The following DNAAF9 variants were observed in gnomAD, a reference collection of about 807,000 sequenced individuals.
DNAAF9 encodes dynein axonemal assembly factor 9, also known as shulin.
DNAAF9 carries 90 observed loss-of-function variants against 167.0 expected under a neutral mutation model. The ratio of observed to expected loss-of-function variants is 0.54; its 90% CI spans 0.45 to 0.64. The LOEUF is 0.64. Ranked by LOEUF, DNAAF9 falls within the 30% of genes least tolerant of loss-of-function variation. DNAAF9 has a pLI of 0.00. For missense variants in DNAAF9, 1,315 were observed against 1,442.2 expected, an observed-to-expected ratio of 0.91 and a Z score of 1.43; for synonymous variants, 491 against 508.8, an observed-to-expected ratio of 0.96 and a Z score of 0.47.
rs372804380 is a variant in DNAAF9, at chr20:3,310,344, AG to A, written c.1678+4688del. Among the ~76,000 whole-genome samples, 786 of 103,178 alleles carry A rather than the reference AG, an allele frequency of 7.6e-3. 10 individuals carry two copies. Among genetic ancestry groups the A allele is most frequent in the African/African-American group, 0.027 (678 of 25,478 alleles). 67.7% of individuals were successfully genotyped at this position (103,178 alleles called of 152,430 possible). A position where few individuals can be genotyped will look rare whatever the true frequency, so the allele number is the denominator to read the frequency against. ...AGGAAAGAGAAAGAAAAAGAAAGAAAGAAAGAAAGAAAGAAAGAAAGAAAGA... is the reference window on the plus strand; with the variant it reads ...AGGAAAGAGAAAGAAAAAGAAAGAAAAAAGAAAGAAAGAAAGAAAGAAAGA... On this transcript the variant is annotated intron_variant, in intron 20 of 36. Transcript: ENST00000252032.
chr20:3,369,812 T>C (rs985357650), intron 6 of DNAAF9, among the ~76,000 whole-genome samples: 5 of 152,252 alleles, frequency 3.3e-5, no homozygotes, highest in African/African-American at 9.6e-5. Context: ...TCAATTATGA[T>C]TTCCTAGAGC....
rs200794835 is a variant in DNAAF9 at position 3,256,057 on chromosome 20, G to T, written c.3210C>A (p.Cys1070Ter). 6.2e-7 allele frequency: 1 copy of T among 1,613,620 alleles called. No homozygotes were observed. The highest frequency in any genetic ancestry group is 1.3e-5 in the African/African-American group (1 of 74,926). The change falls in exon 34 of 37, where the codon TGC becomes TGA. Residue 1070 changes from cysteine to a stop codon, truncating the protein, a stop_gained. Transcript: ENST00000252032. LOFTEE classifies it high-confidence loss of function. ...CCTTGATGCTGTCTTCCTTCAGGGA[G>T]CAGCCGATGAACACAAGGTAGCACT... ...QQECYLVFIG[C>*]SLKEDSIKDW...
intron 34 of DNAAF9, among the ~76,000 whole-genome samples, 160 bp downstream of exon 34, chr20:3,255,846 T>C (rs976189174): frequency 6.6e-6 from 1 of 152,184 alleles, no homozygotes; most frequent in Non-Finnish European, 1.5e-5. Flanking sequence ...AGTGGCTTCC[T>C]CCCTCTCTCA....
At chr20:3,330,068 T>C (rs1319926712) in intron 12 of DNAAF9, among the ~76,000 whole-genome samples, 1 of 152,216 alleles carries the variant, frequency 6.6e-6, no homozygotes, top group East Asian at 1.9e-4. Context: ...AAATGCATTA[T>C]ATAGAAAACA....
chr20:3,288,031 A>G (rs1343621924), intron 26 of DNAAF9, among the ~76,000 whole-genome samples: 4 of 152,224 alleles, frequency 2.6e-5, no homozygotes, highest in Non-Finnish European at 2.9e-5. Flanking sequence ...CCATAGGGAA[A>G]ATGGTCAGGT....
At chr20:3,270,364 G>A in intron 30 of DNAAF9, 63 bp downstream of exon 30, 1 of 1,468,532 alleles carries the variant, frequency 6.8e-7, no homozygotes, top group Non-Finnish European at 9.5e-7. Flanking sequence ...GACTCTGTGG[G>A]CCACAGACAG....
rs757266254 is a variant in DNAAF9 at position 3,381,500 on chromosome 20, T to A, written c.164-2A>T. 1 of 1,613,366 alleles carries A rather than the reference T, an allele frequency of 6.2e-7. No individual in the cohort carries two copies. ...CTTCATTGTACCTGCTATCGATTCC[T>A]GCAAGGCAAAGGAGGCTCTGATCAG... On this transcript the variant is annotated splice_acceptor_variant, in intron 2 of 36. Transcript: ENST00000252032. LOFTEE classifies it high-confidence loss of function.
chr20:3,400,535 C>A (rs1295425512), intron 1 of DNAAF9, among the ~76,000 whole-genome samples: 2 of 150,786 alleles, frequency 1.3e-5, no homozygotes, highest in Admixed American at 6.6e-5. Flanking sequence ...AAGTTAAAAA[C>A]AAAAAGAATG....
At chr20:3,283,375 C>T (rs2068794425) in intron 27 of DNAAF9, among the ~76,000 whole-genome samples, 1 of 152,228 alleles carries the variant, frequency 6.6e-6, no homozygotes, top group South Asian at 2.1e-4. Flanking sequence ...CACCCCACCC[C>T]AGGTTCTCCT....
intron 1 of DNAAF9, among the ~76,000 whole-genome samples, chr20:3,384,764 T>C (rs1026980807): frequency 3.3e-5 from 5 of 151,964 alleles, no homozygotes; most frequent in Non-Finnish European, 5.9e-5. Context: ...TAGGACCAAG[T>C]GGAATTTATC....
chr20:3,328,986 C>T (rs1390633192), intron 12 of DNAAF9, among the ~76,000 whole-genome samples: 3 of 151,708 alleles, frequency 2.0e-5, no homozygotes, highest in African/African-American at 7.3e-5. Flanking sequence ...TCTCCTGCTT[C>T]AGCCTCCTGA....
rs114931964 is a variant in DNAAF9, at chr20:3,395,519, A to C, written c.83+11956T>G. On this transcript the variant is annotated intron_variant, in intron 1 of 36. Coordinates refer to ENST00000252032, the MANE Select transcript of DNAAF9 (RefSeq NM_001009984.3). ...TGCTTTTGAACTCCTGGCCTCAAGC[A>C]ATCCACCGCCTTGGCCTCCTAAAGT... is the stretch of plus-strand genomic sequence containing the variant. 9.0e-3 allele frequency among the ~76,000 whole-genome samples: 1,374 copies of C among 152,088 alleles called. 20 individuals are homozygous for C. The highest frequency in any genetic ancestry group is 0.032 in the African/African-American group (1,319 of 41,512).
At chr20:3,381,799 A>T (rs933559121) in intron 2 of DNAAF9, among the ~76,000 whole-genome samples, 3 of 152,240 alleles carry the variant, frequency 2.0e-5, no homozygotes, top group African/African-American at 7.2e-5. Flanking sequence ...AATAGGGGTC[A>T]GAAAAATCTT....
chr20:3,299,129 G>A (rs1383306730), intron 21 of DNAAF9, among the ~76,000 whole-genome samples: 1 of 151,730 alleles, frequency 6.6e-6, no homozygotes, highest in Non-Finnish European at 1.5e-5. Context: ...GGCTGGTCTC[G>A]AACTCCCGAC....
intron 30 of DNAAF9, among the ~76,000 whole-genome samples, chr20:3,266,534 G>A (rs189517051): frequency 3.6e-4 from 55 of 152,088 alleles, no homozygotes; most frequent in African/African-American, 1.3e-3. Flanking sequence ...CTGGAGTGCA[G>A]TGGCGCGGTC....
At position 3,293,541 on chromosome 20, in the gene DNAAF9, C is replaced by G. The variant is rs181500160; in HGVS notation, c.2238+598G>C. Among the ~76,000 whole-genome samples the G allele has an allele frequency of 1.6e-3, 246 of 151,198 alleles. 2 individuals are homozygous for G. The highest frequency in any genetic ancestry group is 5.7e-3 in the African/African-American group (236 of 41,138). On this transcript the variant is annotated intron_variant, in intron 25 of 36. Transcript: ENST00000252032. Reference sequence around the variant, plus strand: ...CTCTACTAAAAATACAAAAATTAGCCAGGCGTGGTGGTGCATGCCTGTAAT... The same window carrying G: ...CTCTACTAAAAATACAAAAATTAGCGAGGCGTGGTGGTGCATGCCTGTAAT...
Position 3,304,120 on chromosome 20 carries a change from G to A in DNAAF9, c.1782+320C>T, listed in dbSNP as rs544691770. 3.2e-4 allele frequency among the ~76,000 whole-genome samples: 48 copies of A among 152,296 alleles called. No homozygotes were observed. The East Asian group carries it at 8.1e-3, about 26-fold the overall frequency. On this transcript the variant is annotated intron_variant, in intron 21 of 36. Coordinates refer to ENST00000252032, the MANE Select transcript of DNAAF9 (RefSeq NM_001009984.3). ...CTGGACCTGGAGGCCACCCAAGAGG[G>A]GCCACTGGAGGCCTTCTCAGCCTGC...
At chr20:3,396,831 T>A (rs1600926607) in intron 1 of DNAAF9, among the ~76,000 whole-genome samples, 1 of 152,328 alleles carries the variant, frequency 6.6e-6, no homozygotes, top group East Asian at 1.9e-4. Context: ...TTTCAGCTTT[T>A]ACTTGTAGTG....
Position 3,252,659 on chromosome 20 carries a change from G to A in DNAAF9, c.3447C>T (p.Tyr1149=), listed in dbSNP as rs61744985. The A allele has an allele frequency of 1.6e-3, 2,520 of 1,607,968 alleles. 34 individuals carry two copies. In the African/African-American group the frequency reaches 0.03, roughly 19 times the overall value. ...CAATTTCCCGGTTGGCTTCTTCCACGTAGTCATTCATGAACTGGTCCATGA... is the reference window on the plus strand; with the variant it reads ...CAATTTCCCGGTTGGCTTCTTCCACATAGTCATTCATGAACTGGTCCATGA... ...HPLMDQFMND[Y]VEEANREIEK... The change falls in exon 37 of 37, where the codon TAC becomes TAT. Residue 1149 remains tyrosine (Y), a synonymous_variant. Coordinates refer to ENST00000252032, the MANE Select transcript of DNAAF9 (RefSeq NM_001009984.3).
Sources: allele counts gnomAD v4.1 joint callset (sites outside exome capture counted in the v4.1 genomes callset), GRCh38; gene constraint gnomAD v4.1.1; transcripts MANE v1.5; gene names NCBI Gene and HGNC (gene_info 2026-07-23, HGNC 2026-07-21).